The following STXBP5L variants were observed in gnomAD, a reference collection of about 807,000 sequenced individuals.
The protein encoded by STXBP5L is syntaxin binding protein 5L, also known as syntaxin-binding protein 5-like.
In STXBP5L, 65 loss-of-function variants were observed where a neutral mutation model predicts 144.5. The observed-to-expected ratio is 0.45, with a 90% CI of 0.37 to 0.55. STXBP5L has a LOEUF of 0.55. Ranked by LOEUF, STXBP5L falls within the 20% of genes least tolerant of loss-of-function variation. The pLI is 0.00. For missense variants in STXBP5L, 1,298 were observed against 1,405.5 expected, an observed-to-expected ratio of 0.92 and a Z score of 1.22; for synonymous variants, 505 against 469.6, an observed-to-expected ratio of 1.08 and a Z score of -0.97.
At chr3:120,912,041 G>A (rs1318501247) in intron 2 of STXBP5L, among the ~76,000 whole-genome samples, 1 of 151,916 alleles carries the variant, frequency 6.6e-6, no homozygotes, top group African/African-American at 2.4e-5. Flanking sequence ...TTGGCTGTTT[G>A]AAAGCCTCCT....
chr3:120,957,334 G>A (rs12635664), intron 3 of STXBP5L, among the ~76,000 whole-genome samples: 15,075 of 151,892 alleles, frequency 0.099, 1,178 homozygotes, highest in Admixed American at 0.2. Flanking sequence ...TGTGATATAT[G>A]ATATTTATTG....
At chr3:121,381,922 A>T (rs2046332932) in intron 22 of STXBP5L, among the ~76,000 whole-genome samples, 1 of 152,144 alleles carries the variant, frequency 6.6e-6, no homozygotes, top group South Asian at 2.1e-4. Flanking sequence ...AACTCAGAAT[A>T]ATTAAGCTAG....
chr3:121,092,227 T>C lies in STXBP5L; in HGVS notation c.471-22698T>C, dbSNP rs368910223. ...CATGATGCCTCCAGCTTTGTTCTTT[T>C]GGCTTAGGACTGACTTGGCAATGCG... On this transcript the variant is annotated intron_variant, in intron 5 of 26. Transcript: ENST00000471454. 5.9e-5 allele frequency among the ~76,000 whole-genome samples: 9 copies of C among 152,176 alleles called. No homozygotes were observed. The South Asian group carries it at 1.7e-3, about 28-fold the overall frequency.
chr3:121,052,698 C>T (rs1158718730), intron 5 of STXBP5L, among the ~76,000 whole-genome samples: 1 of 151,998 alleles, frequency 6.6e-6, no homozygotes, highest in Non-Finnish European at 1.5e-5. Context: ...GACAGGGATG[C>T]CCTCTCTCAC....
At chr3:121,005,031 G>A (rs2108075988) in intron 3 of STXBP5L, among the ~76,000 whole-genome samples, 1 of 152,210 alleles carries the variant, frequency 6.6e-6, no homozygotes, top group South Asian at 2.1e-4. Flanking sequence ...TTGTGTCTCT[G>A]CCAGGCTTTG....
chr3:121,140,358 A>G (rs1186216425), intron 7 of STXBP5L, among the ~76,000 whole-genome samples: 2 of 152,180 alleles, frequency 1.3e-5, no homozygotes, highest in Non-Finnish European at 2.9e-5. Context: ...TAGAAATACC[A>G]TATGTGATCC....
intron 9 of STXBP5L, among the ~76,000 whole-genome samples, chr3:121,180,832 CATTGCA>C (rs2047114476): frequency 6.6e-6 from 1 of 152,078 alleles, no homozygotes; most frequent in South Asian, 2.1e-4. Context: ...AAAATCGTGC[CATTGCA>C]CTCCAGCCTG....
intron 3 of STXBP5L, among the ~76,000 whole-genome samples, chr3:120,994,746 TG>T: frequency 6.6e-6 from 1 of 152,240 alleles, no homozygotes; most frequent in Non-Finnish European, 1.5e-5. Context: ...TTTTCTTTTT[TG>T]TTGCATGGTT....
intron 5 of STXBP5L, among the ~76,000 whole-genome samples, chr3:121,105,449 G>GA (rs1263291655): frequency 1.3e-5 from 2 of 149,108 alleles, no homozygotes; most frequent in East Asian, 1.9e-4. Flanking sequence ...CAAGAAACAT[G>GA]AAAAAATGAT....
rs1178864259 is a variant in STXBP5L, at chr3:120,965,673, G to T, written c.287+10636G>T. ...GTTAGTCTGATGGGCTTCCCTTTGT[G>T]GGTAACTTGACCTTTCTCTCTGGCT... is the stretch of plus-strand genomic sequence containing the variant. On this transcript the variant is annotated intron_variant, in intron 3 of 26. Coordinates refer to ENST00000471454, the MANE Select transcript of STXBP5L (RefSeq NM_001308330.2). 2.6e-5 allele frequency among the ~76,000 whole-genome samples: 4 copies of T among 152,116 alleles called. No individual in the cohort carries two copies. In the East Asian group the frequency reaches 5.8e-4, roughly 22 times the overall value.
intron 5 of STXBP5L, among the ~76,000 whole-genome samples, chr3:121,068,439 T>G (rs1331320500): frequency 1.3e-5 from 2 of 152,176 alleles, no homozygotes; most frequent in Non-Finnish European, 2.9e-5. Context: ...CTTAAACTTT[T>G]TATTATCCTA....
chr3:120,913,482 T>G (rs1708953088), intron 2 of STXBP5L, among the ~76,000 whole-genome samples: 1 of 152,046 alleles, frequency 6.6e-6, no homozygotes, highest in Non-Finnish European at 1.5e-5. Flanking sequence ...ATTGGTCGAT[T>G]AATTGAAAAA....
rs1425570359 is a variant in STXBP5L at position 121,378,790 on chromosome 3, G to A, written c.2251G>A (p.Val751Ile). The change falls in exon 21 of 27, where the codon GTT (valine) becomes ATT (isoleucine). Residue 751 changes from valine to isoleucine, a missense_variant. Val to Ile is a conservative substitution (Grantham distance 29). Coordinates refer to ENST00000471454, the MANE Select transcript of STXBP5L (RefSeq NM_001308330.2). ...TGGAAAACGTCTTTCTAGTGCCGAT[G>A]TTTCAAAAGTAAATCGCTGGGGTCC... ...SSGKRLSSAD[V>I]SKVNRWGPGR... 1 of 1,613,768 alleles carries A rather than the reference G, an allele frequency of 6.2e-7. No individual in the cohort carries two copies. Among genetic ancestry groups the A allele is most frequent in the South Asian group, 1.1e-5 (1 of 91,066 alleles).
chr3:121,100,859 AG>A (rs1345291005), intron 5 of STXBP5L, among the ~76,000 whole-genome samples: 1 of 148,974 alleles, frequency 6.7e-6, no homozygotes, highest in Non-Finnish European at 1.5e-5. Context: ...AGATTAACAA[AG>A]AAAAAAAAGA....
intron 3 of STXBP5L, among the ~76,000 whole-genome samples, chr3:121,005,280 G>A (rs936057300): frequency 2.0e-5 from 3 of 152,160 alleles, no homozygotes; most frequent in African/African-American, 4.8e-5. Context: ...TTAGTCTTGA[G>A]AGGGTGTATG....
chr3:120,921,289 A>C (rs1333707155), intron 2 of STXBP5L, among the ~76,000 whole-genome samples: 3 of 151,610 alleles, frequency 2.0e-5, no homozygotes, highest in Admixed American at 2.0e-4. Flanking sequence ...AGAAATGTCT[A>C]CTCAGATCTT....
At chr3:120,915,514 C>A (rs1034005511) in intron 2 of STXBP5L, among the ~76,000 whole-genome samples, 12 of 152,024 alleles carry the variant, frequency 7.9e-5, no homozygotes, top group Non-Finnish European at 1.3e-4. Flanking sequence ...AAAAATGGAA[C>A]TTTTTGTTCC....
At chr3:121,388,045 T>C (rs1024025927) in intron 22 of STXBP5L, among the ~76,000 whole-genome samples, 2 of 152,220 alleles carry the variant, frequency 1.3e-5, no homozygotes, top group South Asian at 4.1e-4. Flanking sequence ...CATGGAATAT[T>C]CTTCTATTTG....
intron 19 of STXBP5L, among the ~76,000 whole-genome samples, chr3:121,296,495 C>T (rs2051655524): frequency 6.6e-6 from 1 of 152,106 alleles, no homozygotes. Context: ...ATGAAAACAA[C>T]AAAATCCTAT....
Sources: gnomAD v4.1 joint callset for allele counts (sites outside exome capture counted in the v4.1 genomes callset) on GRCh38, gnomAD v4.1.1 for gene constraint, MANE v1.5 for transcripts, NCBI Gene and HGNC (gene_info 2026-07-23, HGNC 2026-07-21) for gene names.